The following VRK2 variants were observed in gnomAD, a reference collection of about 807,000 sequenced individuals.
VRK2 encodes serine/threonine-protein kinase VRK2.
Under a neutral mutation model 57.6 loss-of-function variants are expected in VRK2, and 60 were observed. That is an observed-to-expected ratio of 1.04 (90% CI 0.85 to 1.29). VRK2 has a LOEUF of 1.29. Among genes scored for constraint, VRK2 ranks in the 50% most tolerant of loss-of-function variants. The pLI, the probability that VRK2 is intolerant of heterozygous loss-of-function variation, is 0.00. For synonymous variants in VRK2, 231 were observed against 199.2 expected (o/e 1.16, Z -1.35); for missense variants, 705 against 588.1 (o/e 1.20, Z -2.06).
At chr2:57,999,678 G>A (rs889639944) in intron 1 of VRK2, among the ~76,000 whole-genome samples, 28 of 152,166 alleles carry the variant, frequency 1.8e-4, no homozygotes, top group Admixed American at 1.5e-3. Flanking sequence ...ACCATCAGTT[G>A]TAGCAAGCAT....
chr2:57,958,352 G>T (rs1303319205), intron 1 of VRK2, among the ~76,000 whole-genome samples: 1 of 151,640 alleles, frequency 6.6e-6, no homozygotes, highest in Non-Finnish European at 1.5e-5. Context: ...TGGAACCAAG[G>T]CATCTGGTCC....
At chr2:57,940,572 C>G (rs1671060753) in intron 1 of VRK2, among the ~76,000 whole-genome samples, 1 of 152,064 alleles carries the variant, frequency 6.6e-6, no homozygotes, top group Non-Finnish European at 1.5e-5. Flanking sequence ...AGAAAGAGCA[C>G]TGTCCACACT....
At chr2:58,040,560 C>T (rs1007587833) in intron 3 of VRK2, among the ~76,000 whole-genome samples, 8 of 152,264 alleles carry the variant, frequency 5.3e-5, no homozygotes, top group Admixed American at 1.3e-4. Flanking sequence ...TGACCCAAAG[C>T]GACAAGAGAA....
chr2:58,118,478 C>T (rs1237816249), intron 7 of VRK2, among the ~76,000 whole-genome samples: 1 of 151,972 alleles, frequency 6.6e-6, no homozygotes, highest in African/African-American at 2.4e-5. Context: ...AAGTGTGGTG[C>T]CAAGATTGAA....
At chr2:58,023,828 A>C (rs1241808817) in intron 1 of VRK2, among the ~76,000 whole-genome samples, 1 of 152,200 alleles carries the variant, frequency 6.6e-6, no homozygotes, top group Admixed American at 6.5e-5. Context: ...CAGCACCTGA[A>C]CATCATTAAA....
In VRK2 at chr2:58,154,722, G is replaced by C. The variant is rs945642179; in HGVS notation, c.1183-4627G>C. On this transcript the variant is annotated intron_variant, in intron 12 of 12. Transcript: ENST00000340157. ...TCCTATTATTTCTTTCCTTCATCTT[G>C]ATCTTGGTGTATTTTCTTCCCTTTT... is the stretch of plus-strand genomic sequence containing the variant. The C allele has an allele frequency of 5.6e-6, 4 of 716,654 alleles. No individual in the cohort carries two copies. The South Asian group carries it at 5.9e-5, about 11-fold the overall frequency. 44.4% of individuals were successfully genotyped at this position (716,654 alleles called of 1,614,324 possible).
At chr2:58,006,911 G>C (rs1023946535) in intron 1 of VRK2, among the ~76,000 whole-genome samples, 4 of 152,106 alleles carry the variant, frequency 2.6e-5, no homozygotes, top group Admixed American at 2.6e-4. Context: ...CCAATTCCTA[G>C]ACAAGCCAGT....
intron 2 of VRK2, among the ~76,000 whole-genome samples, chr2:58,049,552 A>G (rs1322988439): frequency 6.6e-6 from 1 of 152,172 alleles, no homozygotes; most frequent in Non-Finnish European, 1.5e-5. Context: ...CATGGGCTGG[A>G]TAGGCCTTTA....
At chr2:58,148,543 G>GT (rs1165895235) in intron 12 of VRK2, among the ~76,000 whole-genome samples, 1 of 151,534 alleles carries the variant, frequency 6.6e-6, no homozygotes, top group Non-Finnish European at 1.5e-5. Context: ...TATTTTAATA[G>GT]TTTTTTTGTC....
rs72945334 is a variant in VRK2 at position 57,914,606 on chromosome 2, G to A, written c.-439+6767G>A. The stretch of plus-strand genomic sequence containing the variant: ...AAACTTCTTCTTCATCCAAATATCC[G>A]AAAAGGTGTTAAACAACTCAGGTAA... On this transcript the variant is annotated intron_variant, in intron 1 of 15. Transcript: ENST00000417641. 4.8e-3 allele frequency among the ~76,000 whole-genome samples: 737 copies of A among 151,996 alleles called. 9 individuals are homozygous for A. Among genetic ancestry groups the A allele is most frequent in the African/African-American group, 0.017 (705 of 41,470 alleles).
At chr2:57,984,805 C>T (rs1572937139) in intron 1 of VRK2, among the ~76,000 whole-genome samples, 1 of 151,542 alleles carries the variant, frequency 6.6e-6, no homozygotes, top group African/African-American at 2.4e-5. Flanking sequence ...GTTTACCCCC[C>T]AAAAGAAAAA....
intron 1 of VRK2, among the ~76,000 whole-genome samples, chr2:57,946,147 G>T (rs911639845): frequency 2.0e-5 from 3 of 152,102 alleles, no homozygotes; most frequent in African/African-American, 7.2e-5. Context: ...TTAAAGTCTA[G>T]ATATAGTTCT....
rs2103625895 is a variant in VRK2, at chr2:58,002,158, T to C, written c.-438-23507T>C. ...TGCTCTTTGTTGTATATAATTCTGGTGAGGAAGTAAATCTCAAGAGATATT... is the reference window on the plus strand; with the variant it reads ...TGCTCTTTGTTGTATATAATTCTGGCGAGGAAGTAAATCTCAAGAGATATT... On this transcript the variant is annotated intron_variant, in intron 1 of 15. Coordinates refer to the VRK2 transcript ENST00000417641. Among the ~76,000 whole-genome samples, 2 of 152,218 alleles carry C rather than the reference T, an allele frequency of 1.3e-5. 1 individual carries two copies. The highest frequency in any genetic ancestry group is 4.1e-4 in the South Asian group (2 of 4,820).
intron 9 of VRK2, among the ~76,000 whole-genome samples, chr2:58,134,260 A>T (rs1183222388): frequency 6.6e-6 from 1 of 152,182 alleles, no homozygotes; most frequent in Non-Finnish European, 1.5e-5. Flanking sequence ...TCTCCCTTTA[A>T]GACCCTCATT....
Position 58,084,086 on chromosome 2 carries a change from C to A in VRK2, c.137-3C>A. 6.2e-7 allele frequency: 1 copy of A among 1,602,500 alleles called. No individual in the cohort carries two copies. The highest frequency in any genetic ancestry group is 2.2e-5 in the East Asian group (1 of 44,564). On this transcript the variant is annotated splice_polypyrimidine_tract_variant and splice_region_variant and intron_variant, in intron 2 of 12. Coordinates refer to ENST00000340157, the MANE Select transcript of VRK2 (RefSeq NM_006296.7). ...CTCCATTGTGTGTTTTTTTTGTCTGCAGCTTTCCCCACAAATAAACCAGAG... is the reference window on the plus strand; with the variant it reads ...CTCCATTGTGTGTTTTTTTTGTCTGAAGCTTTCCCCACAAATAAACCAGAG...
chr2:57,910,625 C>A (rs1012766859), intron 1 of VRK2, among the ~76,000 whole-genome samples: 1 of 152,002 alleles, frequency 6.6e-6, no homozygotes, highest in African/African-American at 2.4e-5. Flanking sequence ...ATGTTGCCAA[C>A]CTTATAGGAC....
At chr2:57,974,258 T>C (rs951598601) in intron 1 of VRK2, among the ~76,000 whole-genome samples, 8 of 152,118 alleles carry the variant, frequency 5.3e-5, no homozygotes, top group South Asian at 2.1e-4. Context: ...AAATATTTTA[T>C]AATATCTTTC....
At chr2:58,109,361 T>A (rs1322022458) in intron 7 of VRK2, among the ~76,000 whole-genome samples, 1 of 151,960 alleles carries the variant, frequency 6.6e-6, no homozygotes, top group Non-Finnish European at 1.5e-5. Context: ...CAGATTCATG[T>A]GGACAAGGTG....
At chr2:57,927,035 T>TGTGTGTGTGTGTGTGTGTG (rs1553361876) in intron 1 of VRK2, among the ~76,000 whole-genome samples, 1 of 150,864 alleles carries the variant, frequency 6.6e-6, no homozygotes, top group African/African-American at 2.4e-5. Flanking sequence ...TGTGTGTCTG[T>TGTGTGTGTGTGTGTGTGTG]CGTATTTTTT....
Sources: allele counts gnomAD v4.1 joint callset (sites outside exome capture counted in the v4.1 genomes callset), GRCh38; gene constraint gnomAD v4.1.1; transcripts MANE v1.5; gene names NCBI Gene and HGNC (gene_info 2026-07-23, HGNC 2026-07-21).